The following PKNOX2 variants were observed in gnomAD, a reference collection of about 807,000 sequenced individuals.
PKNOX2 encodes homeobox protein PKNOX2.
A neutral mutation model predicts 53.1 loss-of-function variants in PKNOX2; 14 were observed. The ratio of observed to expected loss-of-function variants is 0.26; its 90% CI spans 0.17 to 0.41. PKNOX2 has a LOEUF of 0.41. Ranked by LOEUF, PKNOX2 falls within the 10% of genes least tolerant of loss-of-function variation. PKNOX2 has a pLI of 1.00. For synonymous variants in PKNOX2, 257 were observed against 242.8 expected, an observed-to-expected ratio of 1.06 and a Z score of -0.54; for missense variants, 496 against 602.8, an observed-to-expected ratio of 0.82 and a Z score of 1.85.
chr11:125,213,737 C>T (rs1032685145), intron 1 of PKNOX2, among the ~76,000 whole-genome samples: 3 of 152,104 alleles, frequency 2.0e-5, no homozygotes, highest in African/African-American at 7.2e-5. Flanking sequence ...GGATTACAGG[C>T]GTGAGCCACT....
intron 1 of PKNOX2, among the ~76,000 whole-genome samples, chr11:125,189,137 G>A (rs930656360): frequency 6.6e-6 from 1 of 151,580 alleles, no homozygotes; most frequent in African/African-American, 2.4e-5. Context: ...CTGCGCCATG[G>A]TCAGGAAGAG....
At chr11:125,218,412 G>C (rs564798585) in intron 1 of PKNOX2, among the ~76,000 whole-genome samples, 2 of 151,208 alleles carry the variant, frequency 1.3e-5, no homozygotes, top group East Asian at 2.0e-4. Flanking sequence ...AGTGATGGGG[G>C]GGGGACAGGA....
chr11:125,280,778 G>A (rs1301161164), intron 2 of PKNOX2, among the ~76,000 whole-genome samples: 9 of 152,150 alleles, frequency 5.9e-5, no homozygotes, highest in African/African-American at 2.2e-4. Context: ...TACACAGTTT[G>A]TCCAGCTTAC....
rs150314008 is a variant in PKNOX2, at chr11:125,194,165, C to T, written c.-201+29389C>T. On this transcript the variant is annotated intron_variant, in intron 1 of 12. Transcript: ENST00000298282. ...TCTCTGCTGAGCCCTGTGTGGAGAG[C>T]GGTTGCGTAGCACAGGGCAGGAGAG... 1.5e-4 allele frequency among the ~76,000 whole-genome samples: 23 copies of T among 152,316 alleles called. No homozygotes were observed. In the East Asian group the frequency reaches 4.4e-3, roughly 29 times the overall value.
intron 7 of PKNOX2, among the ~76,000 whole-genome samples, chr11:125,403,173 G>A (rs1352928911): frequency 6.6e-6 from 1 of 152,138 alleles, no homozygotes. Context: ...GGCACCTCTG[G>A]AGCCTACTGA....
intron 2 of PKNOX2, among the ~76,000 whole-genome samples, chr11:125,281,258 C>T (rs757565183): frequency 2.0e-5 from 3 of 152,246 alleles, no homozygotes; most frequent in Middle Eastern, 3.4e-3. Flanking sequence ...GTGGTATGGC[C>T]GTGTGTAGAG....
intron 4 of PKNOX2, among the ~76,000 whole-genome samples, chr11:125,351,747 G>C (rs1306391891): frequency 6.6e-6 from 1 of 152,018 alleles, no homozygotes; most frequent in Non-Finnish European, 1.5e-5. Context: ...TACCGGATGT[G>C]AGCGGAACCG....
intron 2 of PKNOX2, among the ~76,000 whole-genome samples, chr11:125,235,406 AG>A (rs1179355403): frequency 6.6e-6 from 1 of 152,254 alleles, no homozygotes; most frequent in Non-Finnish European, 1.5e-5. Context: ...TGAGTCTGCA[AG>A]GCCGACCCAG....
intron 5 of PKNOX2, among the ~76,000 whole-genome samples, chr11:125,371,612 C>A (rs572261798): frequency 6.6e-6 from 1 of 151,868 alleles, no homozygotes; most frequent in Non-Finnish European, 1.5e-5. Context: ...TCCTGAGGAG[C>A]GGAAGAGGGG....
intron 7 of PKNOX2, among the ~76,000 whole-genome samples, chr11:125,404,459 C>T (rs989380358): frequency 4.6e-5 from 7 of 152,220 alleles, no homozygotes; most frequent in Admixed American, 3.3e-4. Flanking sequence ...TTTACATGTG[C>T]TTGGCTTTCC....
chr11:125,412,041 C>T (rs1955588713), intron 10 of PKNOX2, among the ~76,000 whole-genome samples, 176 bp downstream of exon 10: 1 of 152,170 alleles, frequency 6.6e-6, no homozygotes, highest in South Asian at 2.1e-4. Context: ...CAGGTGGGGC[C>T]TAAAGCTGGA....
chr11:125,345,473 A>C (rs1241473071), intron 3 of PKNOX2, among the ~76,000 whole-genome samples: 1 of 150,646 alleles, frequency 6.6e-6, no homozygotes, highest in Non-Finnish European at 1.5e-5. Flanking sequence ...TCTGGCAGAC[A>C]CCCCGCCTCC....
chr11:125,231,444 C>T (rs1330543666), intron 1 of PKNOX2, among the ~76,000 whole-genome samples: 1 of 152,224 alleles, frequency 6.6e-6, no homozygotes, highest in Non-Finnish European at 1.5e-5. Flanking sequence ...ATTTATGATT[C>T]CATTTTATTT....
In PKNOX2 at chr11:125,249,635, C is replaced by T. The variant is rs182914107; in HGVS notation, c.-130+14520C>T. 7.9e-5 allele frequency among the ~76,000 whole-genome samples: 12 copies of T among 152,222 alleles called. No homozygotes were observed. The East Asian group carries it at 2.1e-3, about 27-fold the overall frequency. ...GTTATATGCAAATACAACACCATTTCGTATCACGGATTCGAGTGTCCATGG... is the reference window on the plus strand; with the variant it reads ...GTTATATGCAAATACAACACCATTTTGTATCACGGATTCGAGTGTCCATGG... On this transcript the variant is annotated intron_variant, in intron 2 of 12. Transcript: ENST00000298282.
chr11:125,411,458 GTCTTTCTCTCTCTCTC>G (rs1565519823), intron 9 of PKNOX2: 6 of 321,522 alleles, frequency 1.9e-5, no homozygotes, highest in African/African-American at 1.2e-4. Flanking sequence ...TGTTTCCTCT[GTCTTTCTCTCTCTCTC>G]TCTCTCTCTC....
intron 9 of PKNOX2, chr11:125,411,242 T>A (rs1351844897): frequency 3.3e-6 from 1 of 306,192 alleles, no homozygotes; most frequent in African/African-American, 2.2e-5. Flanking sequence ...TCACCTAACC[T>A]CTCTGAGCCT....
intron 2 of PKNOX2, among the ~76,000 whole-genome samples, chr11:125,303,315 T>C (rs1367492115): frequency 6.6e-6 from 1 of 152,228 alleles, no homozygotes; most frequent in Non-Finnish European, 1.5e-5. Context: ...CTTTTGCAGA[T>C]GAGCAAACGG....
At chr11:125,189,954 T>G (rs1956775312) in intron 1 of PKNOX2, 1 of 151,218 alleles carries the variant, frequency 6.6e-6, no homozygotes, top group Admixed American at 6.6e-5. Context: ...TGAGACAGAG[T>G]CTTGCTCCGT....
chr11:125,257,851 C>T (rs1250193373), intron 2 of PKNOX2, among the ~76,000 whole-genome samples: 1 of 152,342 alleles, frequency 6.6e-6, no homozygotes, highest in African/African-American at 2.4e-5. Flanking sequence ...AGGCTCAGGC[C>T]TGCCTCTGGT....
Sources: allele counts gnomAD v4.1 joint callset (sites outside exome capture counted in the v4.1 genomes callset), GRCh38; gene constraint gnomAD v4.1.1; transcripts MANE v1.5; gene names NCBI Gene and HGNC (gene_info 2026-07-23, HGNC 2026-07-21).